SLC24A1: variants seen among roughly 807,000 people sequenced by gnomAD.
SLC24A1 encodes the protein solute carrier family 24 member 1.
Under a neutral mutation model 88.1 loss-of-function variants are expected in SLC24A1, and 52 were observed. The ratio of observed to expected loss-of-function variants is 0.59; its 90% CI spans 0.47 to 0.74. SLC24A1 has a LOEUF of 0.74. SLC24A1 is among the 30% of genes least tolerant of loss of function. The pLI is 0.00. For missense variants in SLC24A1, 1,173 were observed against 1,363.3 expected (o/e 0.86, Z 2.20); for synonymous variants, 455 against 498.0 (o/e 0.91, Z 1.15).
rs567874420 is a variant in SLC24A1 at position 65,638,133 on chromosome 15, C to T, written c.1896C>T (p.Gly632=). 4.2e-5 allele frequency: 68 copies of T among 1,608,902 alleles called. No individual in the cohort carries two copies. The highest frequency in any genetic ancestry group is 4.1e-4 in the South Asian group (37 of 89,838). The change falls in exon 3 of 10, where the codon GGC becomes GGT. Residue 632 remains glycine, a synonymous_variant. Coordinates refer to ENST00000261892, the MANE Select transcript of SLC24A1 (RefSeq NM_004727.3). ...ACTCCTCTCCCTGTTTGCAGCCGGG[C>T]GATGGGGCCATTGCGGTGGATGAGC... ...VMALEDLSKP[G]DGAIAVDELQ...
intron 9 of SLC24A1, among the ~76,000 whole-genome samples, chr15:65,653,428 G>C (rs780488451): frequency 2.0e-5 from 3 of 151,892 alleles, no homozygotes; most frequent in Non-Finnish European, 4.4e-5. Context: ...AGAAATGTAG[G>C]CCTTATCAAA....
Position 65,625,988 on chromosome 15 carries a change from C to G in SLC24A1, c.1890+18C>G, listed in dbSNP as rs767726062. Reference sequence around the variant, plus strand: ...TCAGCAAGGTAAGGACAAATTGGCTCAGGTTTCTCTAGCCCCTTTGAGATG... The same window carrying G: ...TCAGCAAGGTAAGGACAAATTGGCTGAGGTTTCTCTAGCCCCTTTGAGATG... On this transcript the variant is annotated intron_variant, in intron 2 of 9. Transcript: ENST00000261892. The G allele has an allele frequency of 6.3e-7, 1 of 1,576,916 alleles. No homozygotes were observed. Among genetic ancestry groups the G allele is most frequent in the South Asian group, 1.1e-5 (1 of 90,234 alleles).
Position 65,650,328 on chromosome 15 carries a change from A to C in SLC24A1, c.2233-54A>C. ...AACAAAAAAATGGGGGAGTAACATA[A>C]GGAAAACAAGCAGAGCAGTTACCAC... On this transcript the variant is annotated intron_variant, in intron 6 of 9. Coordinates refer to ENST00000261892, the MANE Select transcript of SLC24A1 (RefSeq NM_004727.3). The surrounding 1 kb of genome is among the most constrained non-coding windows in gnomAD (Gnocchi z 4.1). 7.0e-7 allele frequency: 1 copy of C among 1,434,148 alleles called. No individual in the cohort carries two copies. Among genetic ancestry groups the C allele is most frequent in the Middle Eastern group, 1.8e-4 (1 of 5,646 alleles). The allele number at this position is 1,434,148 out of a possible 1,614,324, so 88.8% of individuals were successfully genotyped here.
At position 65,624,298 on chromosome 15, in the gene SLC24A1, T is replaced by C. The variant is rs2074422271; in HGVS notation, c.218T>C (p.Met73Thr). ...CGGGACCTCTCCAGTGAAGAGATGA[T>C]GATGATGAGCAGCAGCCCTTCAAAA... ...ASRDLSSEEM[M>T]MMSSSPSKPS... is the part of the protein sequence containing the mutation. Residue 73 changes from methionine to threonine, a missense_variant, in exon 2 of 10, where the codon ATG becomes ACG. Coordinates refer to ENST00000261892, the MANE Select transcript of SLC24A1 (RefSeq NM_004727.3). 6.2e-7 allele frequency: 1 copy of C among 1,613,746 alleles called. No homozygotes were observed. Among genetic ancestry groups the C allele is most frequent in the Non-Finnish European group, 8.5e-7 (1 of 1,179,798 alleles).
At chr15:65,657,790 A>C (rs2075734739), downstream of SLC24A1, among the ~76,000 whole-genome samples, 1 of 152,232 alleles carries the variant, frequency 6.6e-6, no homozygotes, top group African/African-American at 2.4e-5. Context: ...TGAAAGATGT[A>C]ATGAGAGGGC....
intron 2 of SLC24A1, among the ~76,000 whole-genome samples, chr15:65,615,099 G>C (rs918268700): frequency 2.0e-5 from 3 of 152,244 alleles, no homozygotes; most frequent in East Asian, 1.9e-4. Context: ...TGTAATCCTA[G>C]CTACTCAGGA....
intron 2 of SLC24A1, among the ~76,000 whole-genome samples, chr15:65,632,954 T>C (rs2074780889): frequency 6.6e-6 from 1 of 152,226 alleles, no homozygotes; most frequent in Non-Finnish European, 1.5e-5. Flanking sequence ...AGCAGTAGTT[T>C]ACACTATCAC....
chr15:65,660,744 T>C (rs937284046), downstream of SLC24A1: 6 of 154,088 alleles, frequency 3.9e-5, no homozygotes, highest in African/African-American at 1.2e-4. Context: ...AGTTCCTCAA[T>C]ATGGATGAAA....
downstream of SLC24A1, chr15:65,660,808 T>C (rs1190161898): frequency 6.5e-6 from 1 of 152,772 alleles, no homozygotes; most frequent in Non-Finnish European, 1.5e-5. Context: ...AAAAAAATTC[T>C]GAATATTTAT....
chr15:65,646,425 C>A (rs2075303206), intron 6 of SLC24A1, among the ~76,000 whole-genome samples: 1 of 151,976 alleles, frequency 6.6e-6, no homozygotes, highest in South Asian at 2.1e-4. Flanking sequence ...GGTTTTCTCT[C>A]CCTAGAATGC....
chr15:65,644,611 G>T, intron 5 of SLC24A1, 98 bp downstream of exon 5: 2 of 795,992 alleles, frequency 2.5e-6, no homozygotes, highest in South Asian at 3.2e-5. Context: ...CAGGCCAGGG[G>T]CTGAGGCACA....
At chr15:65,651,535 C>T (rs2075505309) in intron 7 of SLC24A1, 135 bp from the exon 8 acceptor site, 5 of 634,952 alleles carry the variant, frequency 7.9e-6, no homozygotes, top group African/African-American at 5.4e-5. Flanking sequence ...AGAGAGCTCT[C>T]AGGTCAAATG....
At chr15:65,614,062 A>T (rs2074059221) in intron 2 of SLC24A1, among the ~76,000 whole-genome samples, 1 of 152,168 alleles carries the variant, frequency 6.6e-6, no homozygotes, top group South Asian at 2.1e-4. Context: ...TCAATCATAA[A>T]TATGACCCTT....
At chr15:65,639,570 A>C in intron 3 of SLC24A1, 25 bp from the exon 4 acceptor site, 1 of 1,515,440 alleles carries the variant, frequency 6.6e-7, no homozygotes, top group Non-Finnish European at 9.0e-7. Flanking sequence ...ACAGGGGCCC[A>C]CTGTGCGGCT....
intron 1 of SLC24A1, among the ~76,000 whole-genome samples, chr15:65,623,598 C>T (rs969965044): frequency 3.3e-5 from 5 of 152,166 alleles, no homozygotes; most frequent in African/African-American, 9.6e-5. Context: ...GGCCTGACAC[C>T]AGCTATGGAT....
chr15:65,650,738 A>G lies in SLC24A1; in HGVS notation c.2589A>G (p.Glu863=). Residue 863 remains glutamate (E), a synonymous_variant, in exon 7 of 10, where the codon GAA becomes GAG. Coordinates refer to ENST00000261892, the MANE Select transcript of SLC24A1 (RefSeq NM_004727.3). This position sits in a 1 kb window ranked among gnomAD's most constrained non-coding sequence, Gnocchi z 4.1. Reference sequence around the variant, plus strand: ...ATGGAGGGGATAGCGAAGAGGAGGAAGAGGAGGAGGAAGAGCAGGAGGAAG... The same window carrying G: ...ATGGAGGGGATAGCGAAGAGGAGGAGGAGGAGGAGGAAGAGCAGGAGGAAG... ...GSDGGDSEEE[E]EEEEEQEEEE... 1.3e-5 allele frequency: 21 copies of G among 1,590,988 alleles called. No individual in the cohort carries two copies. The highest frequency in any genetic ancestry group is 1.7e-5 in the Non-Finnish European group (20 of 1,168,440).
upstream of SLC24A1, among the ~76,000 whole-genome samples, chr15:65,619,766 C>T (rs941068354): frequency 5.9e-5 from 9 of 151,742 alleles, no homozygotes; most frequent in African/African-American, 1.5e-4. Context: ...GCCTCCTTGC[C>T]GTCCTGCCAA....
chr15:65,639,661 A>G lies in SLC24A1; in HGVS notation c.2011A>G (p.Ile671Val). The change falls in exon 4 of 10, where the codon ATC becomes GTC. Residue 671 changes from isoleucine (I) to valine (V), a missense_variant. Coordinates refer to ENST00000261892, the MANE Select transcript of SLC24A1 (RefSeq NM_004727.3). ...SLHNSTIRST[I>V]YQLMLHSLDP... ...GCACAACAGCACCATCCGCAGCACC[A>G]TCTACCAGCTCATGCTCCACAGCCT... 3 of 1,613,192 alleles carry G rather than the reference A, an allele frequency of 1.9e-6. No homozygotes were observed. The highest frequency in any genetic ancestry group is 2.5e-6 in the Non-Finnish European group (3 of 1,179,612).
chr15:65,625,223 T>C lies in SLC24A1; in HGVS notation c.1143T>C (p.Pro381=), dbSNP rs1280960822. 3 of 1,613,798 alleles carry C rather than the reference T, an allele frequency of 1.9e-6. No homozygotes were observed. In the African/African-American group the frequency reaches 4.0e-5, roughly 22 times the overall value. Residue 381 remains proline (P), a synonymous_variant, in exon 2 of 10, where the codon CCT becomes CCC. Transcript: ENST00000261892. The stretch of plus-strand genomic sequence containing the variant: ...CAGCACCCAGCACCTCAACAACCCC[T>C]ACGGTCAGGGCAAAGCTGACCATGC... ...PSTAPSTSTT[P]TVRAKLTMQV...
Sources: gnomAD v4.1 joint callset for allele counts (sites outside exome capture counted in the v4.1 genomes callset) on GRCh38, gnomAD v4.1.1 for gene constraint, Gnocchi (gnomAD v3.1) non-coding constraint, MANE v1.5 for transcripts, NCBI Gene and HGNC (gene_info 2026-07-23, HGNC 2026-07-21) for gene names.